REV1: variants seen among roughly 807,000 people sequenced by gnomAD.
REV1 encodes the protein REV1 DNA directed polymerase, also known as translesion synthesis protein REV1.
REV1 carries 42 observed loss-of-function variants against 137.4 expected under a neutral mutation model. The ratio of observed to expected loss-of-function variants is 0.31; its 90% CI spans 0.24 to 0.40. The LOEUF (loss-of-function observed/expected upper bound fraction) is 0.40. Ranked by LOEUF, REV1 falls within the 10% of genes least tolerant of loss-of-function variation. The pLI is 1.00. For missense variants in REV1, 1,282 were observed against 1,490.1 expected, an observed-to-expected ratio of 0.86 and a Z score of 2.30; for synonymous variants, 524 against 519.2, an observed-to-expected ratio of 1.01 and a Z score of -0.12.
chr2:99,401,010 A>G lies in REV1; in HGVS notation c.*231T>C. ...TCACTGTAAAAATCCATAAAACTTT[A>G]TAAACAAACATTTTGTAAATAGAAT... is the stretch of plus-strand genomic sequence containing the variant. On this transcript the variant is annotated 3_prime_UTR_variant, in exon 23 of 23. Coordinates refer to ENST00000258428, the MANE Select transcript of REV1 (RefSeq NM_016316.4). 3.2e-6 allele frequency: 1 copy of G among 313,720 alleles called. No individual in the cohort carries two copies. 19.4% of individuals were successfully genotyped at this position (313,720 alleles called of 1,614,324 possible). A position where few individuals can be genotyped will look rare whatever the true frequency, so the allele number is the denominator to read the frequency against.
chr2:99,424,414 G>C (rs1403813904), intron 9 of REV1, 134 bp from the exon 10 acceptor site: 1 of 948,074 alleles, frequency 1.1e-6, no homozygotes, highest in African/African-American at 1.7e-5. Flanking sequence ...AGGGATTAAA[G>C]ATAGGCATTA....
At chr2:99,403,274 T>G (rs1675759401) in intron 19 of REV1, 168 bp from the exon 20 acceptor site, 1 of 614,756 alleles carries the variant, frequency 1.6e-6, no homozygotes, top group Non-Finnish European at 2.8e-6. Context: ...AAGTACAGGC[T>G]CTCCAATTCT....
At chr2:99,428,718 A>G (rs1278073572) in intron 9 of REV1, among the ~76,000 whole-genome samples, 1 of 152,226 alleles carries the variant, frequency 6.6e-6, no homozygotes, top group African/African-American at 2.4e-5. Flanking sequence ...TAACTAGGCC[A>G]GGCACAGTGG....
intron 22 of REV1, 54 bp from the exon 23 acceptor site, chr2:99,401,406 C>A: frequency 3.4e-5 from 36 of 1,072,846 alleles, no homozygotes; most frequent in Non-Finnish European, 4.4e-5. Context: ...GTCCTTAAGA[C>A]TAATTATTCC....
intron 10 of REV1, among the ~76,000 whole-genome samples, chr2:99,423,647 C>T (rs1269180879): frequency 6.6e-6 from 1 of 152,076 alleles, no homozygotes; most frequent in Non-Finnish European, 1.5e-5. Context: ...TTTCTCAAGC[C>T]AACTCATCAA....
intron 1 of REV1, among the ~76,000 whole-genome samples, chr2:99,468,633 A>G (rs1306725105): frequency 3.9e-5 from 6 of 152,246 alleles, no homozygotes; most frequent in South Asian, 4.1e-4. Context: ...GAGGAATGTG[A>G]TAACAGTTTC....
chr2:99,454,086 G>A (rs939724907), intron 3 of REV1, among the ~76,000 whole-genome samples: 25 of 151,570 alleles, frequency 1.6e-4, no homozygotes, highest in African/African-American at 6.1e-4. Context: ...AGACTGCAAT[G>A]GCTCTATCAT....
chr2:99,421,421 G>T (rs866339873), intron 11 of REV1, 78 bp downstream of exon 11: 21 of 1,419,454 alleles, frequency 1.5e-5, no homozygotes, highest in Middle Eastern at 2.1e-4. Context: ...CTAATAAAAA[G>T]AAAAACTCCA....
At chr2:99,451,196 A>C (rs1167971944) in intron 3 of REV1, 3 of 347,960 alleles carry the variant, frequency 8.6e-6, no homozygotes, top group Non-Finnish European at 1.3e-5. Flanking sequence ...AATCACAGAA[A>C]TCTAAAAAAT....
Position 99,431,668 on chromosome 2 carries a change from GTGGTCCATGCGCCCCC to G in REV1, c.1439-1736_1439-1721del, listed in dbSNP as rs1680150455. ...TATGCTTGAGGAGAGAACAGTCTCT[GTGGTCCATGCGCCCCC>G]AGTGCCCTGGCCTGAGAGGCAGCAC... On this transcript the variant is annotated intron_variant, in intron 8 of 22. Transcript: ENST00000258428. The G allele has an allele frequency of 4.4e-6, 4 of 911,948 alleles. No individual in the cohort carries two copies. In the South Asian group the frequency reaches 2.0e-4, roughly 46 times the overall value. The allele number at this position is 911,948 out of a possible 1,614,324, so 56.5% of individuals were successfully genotyped here. A position where few individuals can be genotyped will look rare whatever the true frequency, so the allele number is the denominator to read the frequency against.
chr2:99,443,790 C>T (rs1288599493), intron 4 of REV1, among the ~76,000 whole-genome samples: 3 of 151,996 alleles, frequency 2.0e-5, no homozygotes, highest in South Asian at 2.1e-4. Context: ...ATATTAGAAT[C>T]GAAACCCTAA....
intron 5 of REV1, among the ~76,000 whole-genome samples, chr2:99,440,556 T>C (rs145464077): frequency 3.6e-4 from 55 of 152,320 alleles, no homozygotes; most frequent in Non-Finnish European, 7.6e-4. Context: ...GTAGATGCCA[T>C]GCTCACAGAT....
intron 8 of REV1, among the ~76,000 whole-genome samples, chr2:99,432,541 A>G (rs1680248867): frequency 1.3e-5 from 2 of 152,208 alleles, no homozygotes; most frequent in Admixed American, 1.3e-4. Context: ...TATTCATTTT[A>G]TATGTAGCAA....
At position 99,403,084 on chromosome 2, in the gene REV1, A is replaced by G. The variant is rs778827242; in HGVS notation, c.3189T>C (p.His1063=). Residue 1063 remains histidine, a synonymous_variant, in exon 20 of 23, where the codon CAT becomes CAC. Transcript: ENST00000258428. ...TCTTTTCTTTCACTGCTGCCTTTAG[A>G]TGAAGTAAAGGATTCTTTGGCACTA... ...SASVPKNPLL[H]LKAAVKEKKR... The G allele has an allele frequency of 3.1e-6, 5 of 1,609,930 alleles. No homozygotes were observed. The highest frequency in any genetic ancestry group is 4.2e-6 in the Non-Finnish European group (5 of 1,178,118).
intron 10 of REV1, among the ~76,000 whole-genome samples, chr2:99,422,910 G>C (rs1304618204): frequency 6.6e-6 from 1 of 152,138 alleles, no homozygotes; most frequent in African/African-American, 2.4e-5. Flanking sequence ...TCCCTATCTA[G>C]CCCTCGTTTG....
intron 3 of REV1, among the ~76,000 whole-genome samples, chr2:99,460,282 G>C (rs1684034768): frequency 2.0e-5 from 3 of 152,060 alleles, no homozygotes; most frequent in Non-Finnish European, 4.4e-5. Context: ...TCACCATGTT[G>C]GCCAGGATGG....
At chr2:99,479,779 AAATAATAATAAT>A (rs60339972) in intron 1 of REV1, among the ~76,000 whole-genome samples, 7 of 149,904 alleles carry the variant, frequency 4.7e-5, no homozygotes, top group African/African-American at 1.7e-4. Flanking sequence ...AAAAAAGTAA[AAATAATAATAAT>A]AATAATAATA....
intron 5 of REV1, 146 bp downstream of exon 5, chr2:99,442,171 G>A: frequency 1.5e-6 from 1 of 662,664 alleles, no homozygotes; most frequent in Non-Finnish European, 2.3e-6. Flanking sequence ...AGAATCACTT[G>A]AACCTGGGAG....
At chr2:99,455,818 A>G (rs1031140526) in intron 3 of REV1, among the ~76,000 whole-genome samples, 1 of 152,198 alleles carries the variant, frequency 6.6e-6, no homozygotes, top group Non-Finnish European at 1.5e-5. Context: ...TATTTGAAAT[A>G]TAAGTCTGTT....
Sources: allele counts gnomAD v4.1 joint callset (sites outside exome capture counted in the v4.1 genomes callset), GRCh38; gene constraint gnomAD v4.1.1; transcripts MANE v1.5; gene names NCBI Gene and HGNC (gene_info 2026-07-23, HGNC 2026-07-21).